FSTL4: variants seen among roughly 807,000 people sequenced by gnomAD.
FSTL4 encodes the protein follistatin like 4, also known as follistatin-related protein 4.
Under a neutral mutation model 78.2 loss-of-function variants are expected in FSTL4, and 28 were observed. The observed-to-expected ratio is 0.36, with a 90% CI of 0.27 to 0.49. The LOEUF (loss-of-function observed/expected upper bound fraction) is 0.49. FSTL4 is among the 20% of genes least tolerant of loss of function. The pLI is 0.98. For missense variants in FSTL4, 922 were observed against 1,084.9 expected (o/e 0.85, Z 2.11); for synonymous variants, 422 against 440.5 (o/e 0.96, Z 0.53).
rs372687559 is a variant in FSTL4, at chr5:133,565,954, C to T, written c.160+1232G>A. ...CTTTCCAACTTACATGGTCACAGTA[C>T]CCATTGTGAACACTACTTTCCATAA... On this transcript the variant is annotated intron_variant, in intron 3 of 15. Coordinates refer to ENST00000265342, the MANE Select transcript of FSTL4 (RefSeq NM_015082.2). 7.9e-5 allele frequency among the ~76,000 whole-genome samples: 12 copies of T among 152,304 alleles called. No homozygotes were observed. In the East Asian group the frequency reaches 2.1e-3, roughly 27 times the overall value.
At chr5:133,339,308 A>T (rs1754535147) in intron 4 of FSTL4, among the ~76,000 whole-genome samples, 1 of 152,172 alleles carries the variant, frequency 6.6e-6, no homozygotes, top group South Asian at 2.1e-4. Context: ...GCAACCCTGA[A>T]TAGGGAGCAG....
chr5:133,376,553 C>A (rs1362451017), intron 4 of FSTL4, among the ~76,000 whole-genome samples: 1 of 152,036 alleles, frequency 6.6e-6, no homozygotes, highest in Non-Finnish European at 1.5e-5. Context: ...AAAAAAAACA[C>A]ACACACTCCA....
At chr5:133,552,715 G>A (rs1451526230) in intron 3 of FSTL4, among the ~76,000 whole-genome samples, 2 of 152,182 alleles carry the variant, frequency 1.3e-5, no homozygotes, top group African/African-American at 4.8e-5. Flanking sequence ...CGGGCTCAAG[G>A]GTCTTAGGAG....
At chr5:133,699,899 A>C in the FSTL4 span, among the ~76,000 whole-genome samples, 8 of 151,658 alleles carry the variant, frequency 5.3e-5, no homozygotes, top group Admixed American at 3.9e-4. Flanking sequence ...AAAAAAAAAA[A>C]AACAACCCAG....
the FSTL4 span, among the ~76,000 whole-genome samples, chr5:133,773,452 A>T: frequency 6.6e-6 from 1 of 152,122 alleles, no homozygotes; most frequent in Non-Finnish European, 1.5e-5. Context: ...GCACCAGGTG[A>T]TTAGAGGGTA....
intron 12 of FSTL4, among the ~76,000 whole-genome samples, chr5:133,219,274 C>T (rs1341195733): frequency 1.3e-5 from 2 of 152,196 alleles, no homozygotes; most frequent in African/African-American, 2.4e-5. Context: ...CATGCCACCC[C>T]CCATTCTCTC....
chr5:133,233,293 G>T, intron 8 of FSTL4, 124 bp downstream of exon 8: 1 of 1,060,870 alleles, frequency 9.4e-7, no homozygotes, highest in Non-Finnish European at 1.4e-6. Context: ...TTATAAGAGA[G>T]ATGATATATT....
At chr5:133,455,272 A>AGAAAAAG (rs1461344654) in intron 3 of FSTL4, among the ~76,000 whole-genome samples, 1 of 152,192 alleles carries the variant, frequency 6.6e-6, no homozygotes, top group Non-Finnish European at 1.5e-5. Context: ...TTCCTGCTTT[A>AGAAAAAG]GAAAAAGGAC....
chr5:133,206,478 C>T (rs1271487047), intron 14 of FSTL4, among the ~76,000 whole-genome samples: 2 of 152,184 alleles, frequency 1.3e-5, no homozygotes, highest in Non-Finnish European at 2.9e-5. Context: ...TCTCCTGCCT[C>T]AGCCTCCTGA....
chr5:133,359,748 A>C (rs1362883366), intron 4 of FSTL4, among the ~76,000 whole-genome samples: 1 of 152,206 alleles, frequency 6.6e-6, no homozygotes, highest in African/African-American at 2.4e-5. Flanking sequence ...CCCCACCCTC[A>C]TTCAGCTTTT....
intron 3 of FSTL4, among the ~76,000 whole-genome samples, chr5:133,487,327 G>A (rs953889392): frequency 6.6e-5 from 10 of 152,164 alleles, no homozygotes; most frequent in South Asian, 4.1e-4. Flanking sequence ...TGCCTGTGAC[G>A]TATGTTGCTG....
At chr5:133,325,795 C>T (rs1327122540) in intron 4 of FSTL4, among the ~76,000 whole-genome samples, 2 of 152,184 alleles carry the variant, frequency 1.3e-5, no homozygotes, top group African/African-American at 4.8e-5. Flanking sequence ...CCTGAGAACC[C>T]CCCCAGAGAG....
intron 3 of FSTL4, among the ~76,000 whole-genome samples, chr5:133,450,341 G>A (rs1757354966): frequency 6.6e-6 from 1 of 152,210 alleles, no homozygotes; most frequent in Non-Finnish European, 1.5e-5. Context: ...ACTGAGCCCA[G>A]AGTGATGGGC....
chr5:133,316,676 A>T (rs1327462199), intron 4 of FSTL4, 24 bp from the exon 5 acceptor site: 25 of 1,584,836 alleles, frequency 1.6e-5, no homozygotes, highest in Non-Finnish European at 2.2e-5. Flanking sequence ...TGAGGTTATT[A>T]TTTTGAGACT....
At chr5:133,498,219 G>T (rs1264841249) in intron 3 of FSTL4, among the ~76,000 whole-genome samples, 1 of 152,188 alleles carries the variant, frequency 6.6e-6, no homozygotes, top group African/African-American at 2.4e-5. Context: ...TTCCAGAGCT[G>T]CTGTTGGGGC....
At chr5:133,754,169 CAA>C in the FSTL4 span, among the ~76,000 whole-genome samples, 3 of 152,166 alleles carry the variant, frequency 2.0e-5, no homozygotes, top group African/African-American at 7.2e-5. Flanking sequence ...CAACTCTAGA[CAA>C]GAGAGCAAAC....
At chr5:133,817,174 G>A in the FSTL4 span, among the ~76,000 whole-genome samples, 9 of 152,310 alleles carry the variant, frequency 5.9e-5, no homozygotes, top group East Asian at 1.9e-4. Context: ...AAATCCTCGC[G>A]ACAGCCCTGC....
At chr5:133,729,913 G>A in the FSTL4 span, among the ~76,000 whole-genome samples, 1 of 152,098 alleles carries the variant, frequency 6.6e-6, no homozygotes, top group Non-Finnish European at 1.5e-5. Context: ...TCAGTGGGAA[G>A]AGCCCTGAGG....
In FSTL4 at chr5:133,238,285, T is replaced by C. The variant is rs565267961; in HGVS notation, c.895-4748A>G. On this transcript the variant is annotated intron_variant, in intron 7 of 15. Coordinates refer to ENST00000265342, the MANE Select transcript of FSTL4 (RefSeq NM_015082.2). ...ACAATTATTCAGAGCTTTTCCGACATTGCCCTCCTCAGGAGCACCCCTGGT... is the reference window on the plus strand; with the variant it reads ...ACAATTATTCAGAGCTTTTCCGACACTGCCCTCCTCAGGAGCACCCCTGGT... 7.2e-5 allele frequency among the ~76,000 whole-genome samples: 11 copies of C among 152,286 alleles called. No individual in the cohort carries two copies. The South Asian group carries it at 2.3e-3, about 32-fold the overall frequency.
Sources: gnomAD v4.1 joint callset for allele counts (sites outside exome capture counted in the v4.1 genomes callset) on GRCh38, gnomAD v4.1.1 for gene constraint, MANE v1.5 for transcripts, NCBI Gene and HGNC (gene_info 2026-07-23, HGNC 2026-07-21) for gene names.